The following PDGFRL variants were observed in gnomAD, a reference collection of about 807,000 sequenced individuals.
The protein encoded by PDGFRL is platelet-derived growth factor receptor-like protein.
In PDGFRL, 46 loss-of-function variants were observed where a neutral mutation model predicts 37.2. The observed-to-expected ratio is 1.24, with a 90% CI of 0.98 to 1.58. The LOEUF (loss-of-function observed/expected upper bound fraction) is 1.58, where lower values mean the gene tolerates loss of function less well. Among genes scored for constraint, PDGFRL ranks in the 40% most tolerant of loss-of-function variants. The pLI is 0.00. For missense variants in PDGFRL, 692 were observed against 467.6 expected (o/e 1.48, Z -4.43); for synonymous variants, 251 against 184.3 (o/e 1.36, Z -2.93).
At chr8:17,584,752 G>T (rs1434956126) in intron 1 of PDGFRL, among the ~76,000 whole-genome samples, 4 of 150,586 alleles carry the variant, frequency 2.7e-5, no homozygotes, top group Admixed American at 6.6e-5. Flanking sequence ...TTAAACAGTG[G>T]TAGTGTTACC....
In PDGFRL at chr8:17,599,319, C is replaced by T. The variant is rs190631324; in HGVS notation, c.353+9554C>T. ...GCCCCAAACTCTTCCCCCCAAGTCC[C>T]TAAAGTCCATTGTATCATTCTTACG... On this transcript the variant is annotated intron_variant, in intron 2 of 5. Coordinates refer to ENST00000251630, the MANE Select transcript of PDGFRL (RefSeq NM_001372073.1). 2.0e-5 allele frequency among the ~76,000 whole-genome samples: 3 copies of T among 152,292 alleles called. 1 individual carries two copies. The highest frequency in any genetic ancestry group is 4.1e-4 in the South Asian group (2 of 4,830).
chr8:17,634,118 A>C lies in PDGFRL; in HGVS notation c.844A>C (p.Lys282Gln). ...PSTTILASSN[K>Q]VKSGDDISVL... ...AACAACCATCTTGGCTTCTTCAAAC[A>C]AAGTGAAAAGTGGGGACGACATCAG... Residue 282 changes from lysine (K) to glutamine (Q), a missense_variant, in exon 5 of 6, where the codon AAA (lysine) becomes CAA (glutamine). By Grantham distance (53) the Lys-to-Gln change is moderately conservative. Coordinates refer to ENST00000251630, the MANE Select transcript of PDGFRL (RefSeq NM_001372073.1). 1 of 1,613,850 alleles carries C rather than the reference A, an allele frequency of 6.2e-7. No individual in the cohort carries two copies. Among genetic ancestry groups the C allele is most frequent in the South Asian group, 1.1e-5 (1 of 91,080 alleles).
intron 3 of PDGFRL, among the ~76,000 whole-genome samples, chr8:17,627,439 A>AT (rs980227765): frequency 2.8e-4 from 42 of 150,090 alleles, no homozygotes; most frequent in Admixed American, 7.3e-4. Context: ...GCTTTAACAC[A>AT]TTTTTTTGTT....
chr8:17,593,117 T>G (rs1490142814), intron 2 of PDGFRL, among the ~76,000 whole-genome samples: 1 of 152,108 alleles, frequency 6.6e-6, no homozygotes, highest in Middle Eastern at 3.2e-3. Flanking sequence ...TTCTTAAAGG[T>G]GAGTGGGCTG....
intron 2 of PDGFRL, among the ~76,000 whole-genome samples, chr8:17,596,755 A>T (rs1804061304): frequency 7.0e-6 from 1 of 142,876 alleles, no homozygotes; most frequent in South Asian, 2.2e-4. Flanking sequence ...CTTATGAAAC[A>T]TTGTGAAAAA....
At chr8:17,633,736 T>G (rs914400960) in intron 4 of PDGFRL, among the ~76,000 whole-genome samples, 1 of 152,160 alleles carries the variant, frequency 6.6e-6, no homozygotes. Context: ...CACCCAGTAC[T>G]TCCTCCCTGC....
At chr8:17,639,135 C>G (rs1182724875) in intron 5 of PDGFRL, among the ~76,000 whole-genome samples, 1 of 152,034 alleles carries the variant, frequency 6.6e-6, no homozygotes, top group Non-Finnish European at 1.5e-5. Flanking sequence ...AGCCCTTTAC[C>G]ATAAGTTTAT....
chr8:17,578,129 C>A lies in PDGFRL; in HGVS notation c.55+822C>A, dbSNP rs370313589. ...ATTTAAATGTTTTGTTTGCTCTATT[C>A]ACTCCATGGGTGTTATTTGTACAGT... On this transcript the variant is annotated intron_variant, in intron 1 of 5. Coordinates refer to ENST00000251630, the MANE Select transcript of PDGFRL (RefSeq NM_001372073.1). Among the ~76,000 whole-genome samples, 30 of 152,154 alleles carry A rather than the reference C, an allele frequency of 2.0e-4. No individual in the cohort carries two copies. In the East Asian group the frequency reaches 4.3e-3, roughly 22 times the overall value.
intron 2 of PDGFRL, among the ~76,000 whole-genome samples, chr8:17,590,390 A>G (rs1803911151): frequency 6.6e-6 from 1 of 151,760 alleles, no homozygotes; most frequent in African/African-American, 2.4e-5. Flanking sequence ...ATAGAAAACT[A>G]TTATGCATAG....
At chr8:17,591,888 C>G (rs1228981570) in intron 2 of PDGFRL, among the ~76,000 whole-genome samples, 1 of 152,154 alleles carries the variant, frequency 6.6e-6, no homozygotes. Context: ...TGTGCTCCAG[C>G]CTAGCAACAT....
chr8:17,608,508 G>A (rs1804333950), intron 2 of PDGFRL, among the ~76,000 whole-genome samples: 1 of 152,196 alleles, frequency 6.6e-6, no homozygotes, highest in South Asian at 2.1e-4. Context: ...TGGGGAAGGA[G>A]GCAGAGGGAG....
At chr8:17,598,073 G>T (rs1024279032) in intron 2 of PDGFRL, among the ~76,000 whole-genome samples, 1 of 152,146 alleles carries the variant, frequency 6.6e-6, no homozygotes, top group Admixed American at 6.5e-5. Context: ...TGATCTCATG[G>T]TTCATATGTG....
At chr8:17,633,114 C>G (rs1304182511) in intron 4 of PDGFRL, among the ~76,000 whole-genome samples, 1 of 152,142 alleles carries the variant, frequency 6.6e-6, no homozygotes, top group Non-Finnish European at 1.5e-5. Context: ...TCTAGGCCCA[C>G]CTGCTAGCAC....
At chr8:17,603,912 G>T (rs13256095) in intron 2 of PDGFRL, among the ~76,000 whole-genome samples, 14,602 of 152,184 alleles carry the variant, frequency 0.096, 734 homozygotes, top group Non-Finnish European at 0.12. Context: ...AAAGAGAGAA[G>T]TGTTTGAAGG....
intron 1 of PDGFRL, among the ~76,000 whole-genome samples, chr8:17,585,961 C>G (rs1803806259): frequency 6.7e-6 from 1 of 149,652 alleles, no homozygotes; most frequent in East Asian, 2.0e-4. Flanking sequence ...TCTGTTTTTT[C>G]TTTTTTTTGA....
chr8:17,598,268 G>A (rs1418169792), intron 2 of PDGFRL, among the ~76,000 whole-genome samples: 1 of 152,148 alleles, frequency 6.6e-6, no homozygotes, highest in Non-Finnish European at 1.5e-5. Context: ...AGTTTCCCTA[G>A]AACCCAGTTG....
chr8:17,610,269 T>C (rs74963935), intron 2 of PDGFRL, among the ~76,000 whole-genome samples: 5,385 of 152,272 alleles, frequency 0.035, 322 homozygotes, highest in African/African-American at 0.12. Context: ...AGAGAAGTGC[T>C]GATGAGCTTC....
intron 2 of PDGFRL, among the ~76,000 whole-genome samples, chr8:17,603,372 C>G (rs1804206404): frequency 1.3e-5 from 2 of 152,214 alleles, no homozygotes; most frequent in Admixed American, 1.3e-4. Context: ...CCCCTGTCCC[C>G]TGCTGGGTCT....
At chr8:17,587,623 A>T (rs979073008) in intron 1 of PDGFRL, among the ~76,000 whole-genome samples, 2 of 152,032 alleles carry the variant, frequency 1.3e-5, no homozygotes, top group African/African-American at 4.8e-5. Context: ...AGCTCATCAT[A>T]AACTCGGACT....
Sources: allele counts gnomAD v4.1 joint callset (sites outside exome capture counted in the v4.1 genomes callset), GRCh38; gene constraint gnomAD v4.1.1; transcripts MANE v1.5; gene names NCBI Gene and HGNC (gene_info 2026-07-23, HGNC 2026-07-21).